HERC4: variants seen among roughly 807,000 people sequenced by gnomAD.
HERC4 encodes probable E3 ubiquitin-protein ligase HERC4.
A neutral mutation model predicts 124.3 loss-of-function variants in HERC4; 28 were observed. The ratio of observed to expected loss-of-function variants is 0.23; its 90% CI spans 0.17 to 0.31. HERC4 has a LOEUF of 0.31. Among genes scored for constraint, HERC4 ranks in the 10% least tolerant of loss-of-function variants. The pLI, the probability that HERC4 is intolerant of heterozygous loss-of-function variation, is 1.00. For synonymous variants in HERC4, 407 were observed against 421.5 expected, an observed-to-expected ratio of 0.97 and a Z score of 0.42; for missense variants, 713 against 1,229.3, an observed-to-expected ratio of 0.58 and a Z score of 6.28.
At chr10:68,059,826 A>AATATTATATAATATTATATATC (rs2040873163) in intron 3 of HERC4, among the ~76,000 whole-genome samples, 2 of 62,788 alleles carry the variant, frequency 3.2e-5, no homozygotes, top group Non-Finnish European at 4.4e-5. Flanking sequence ...TATATATCAT[A>AATATTATATAATATTATATATC]ATATTATATA....
chr10:67,990,322 G>C lies in HERC4; in HGVS notation c.1522C>G (p.Leu508Val), dbSNP rs775826526. 1 of 1,612,632 alleles carries C rather than the reference G, an allele frequency of 6.2e-7. No homozygotes were observed. The highest frequency in any genetic ancestry group is 1.7e-5 in the Admixed American group (1 of 59,960). ...LPDVEALRFY[L>V]TLPECPLMSD... ...ATCAGGGGACATTCTGGTAGAGTAA[G>C]ATAAAACCTCAATGCTTCAACATCA... Residue 508 changes from leucine (L) to valine (V), a missense_variant, in exon 14 of 25, where the codon CTT (leucine) becomes GTT (valine). By Grantham distance (32) the Leu-to-Val change is conservative (BLOSUM62 1). Transcript: ENST00000373700.
Position 68,016,254 on chromosome 10 carries a change from C to T in HERC4, c.909-2068G>A, listed in dbSNP as rs1051219856. ...GAATGTAAACCTTTTTCTTTTGGATCGTCTATTGATGAACTGACATTTTGG... is the reference window on the plus strand; with the variant it reads ...GAATGTAAACCTTTTTCTTTTGGATTGTCTATTGATGAACTGACATTTTGG... On this transcript the variant is annotated intron_variant, in intron 8 of 24. Transcript: ENST00000373700. Among the ~76,000 whole-genome samples the T allele has an allele frequency of 3.9e-5, 6 of 152,108 alleles. No homozygotes were observed. The East Asian group carries it at 7.7e-4, about 20-fold the overall frequency.
At chr10:67,937,884 G>T (rs1014213215) in intron 21 of HERC4, among the ~76,000 whole-genome samples, 1 of 151,738 alleles carries the variant, frequency 6.6e-6, no homozygotes, top group Non-Finnish European at 1.5e-5. Flanking sequence ...GTTTCACCAT[G>T]TTGGCCAGGC....
chr10:68,023,751 T>C (rs952817639), intron 8 of HERC4, among the ~76,000 whole-genome samples: 3 of 152,112 alleles, frequency 2.0e-5, no homozygotes, highest in African/African-American at 7.2e-5. Flanking sequence ...GCTAGGGTAA[T>C]TGACTATTTA....
At chr10:68,050,648 T>G (rs934510722) in intron 3 of HERC4, among the ~76,000 whole-genome samples, 1 of 152,196 alleles carries the variant, frequency 6.6e-6, no homozygotes, top group African/African-American at 2.4e-5. Flanking sequence ...ACAAAACTGA[T>G]AACTTCACTA....
Position 67,936,209 on chromosome 10 carries a change from T to C in HERC4, c.2598A>G (p.Thr866=), listed in dbSNP as rs2032344308. The change falls in exon 22 of 25, where the codon ACA becomes ACG. Residue 866 remains threonine, a synonymous_variant. Coordinates refer to ENST00000373700, the MANE Select transcript of HERC4 (RefSeq NM_015601.4). ...FTITVENFGA[T]EVKELVLNGA... is the part of the protein sequence containing the mutation. ...CATTTAGAACCAGCTCTTTCACTTC[T>C]GTTGCACCAAAGTTTTCAACTGTGA... is the stretch of plus-strand genomic sequence containing the variant. The C allele has an allele frequency of 1.9e-6, 3 of 1,601,600 alleles. No homozygotes were observed. In the East Asian group the frequency reaches 6.8e-5, roughly 36 times the overall value.
chr10:67,967,075 C>T (rs1282550232), intron 15 of HERC4, among the ~76,000 whole-genome samples: 3 of 152,194 alleles, frequency 2.0e-5, no homozygotes, highest in Non-Finnish European at 4.4e-5. Context: ...AGGATGGTCT[C>T]GATCTCCTGA....
intron 21 of HERC4, among the ~76,000 whole-genome samples, chr10:67,938,729 A>T (rs1206432614): frequency 6.6e-6 from 1 of 152,062 alleles, no homozygotes; most frequent in Non-Finnish European, 1.5e-5. Context: ...GTGGATCATG[A>T]GGTCAGGAGT....
chr10:67,954,736 A>C lies in HERC4; in HGVS notation c.2196T>G (p.Val732=), dbSNP rs771867953. Residue 732 remains valine, a splice_region_variant and synonymous_variant, in exon 19 of 25, where the codon GTT becomes GTG. Transcript: ENST00000373700. ...KNIDYKKPLK[V]IFVGEDAVDA... ...CCACAGCATCTTCTCCAACAAATAT[A>C]ACCTAAAATAGCACAATGCAAACAC... The C allele has an allele frequency of 8.9e-5, 144 of 1,612,666 alleles. 1 individual carries two copies. Among genetic ancestry groups the C allele is most frequent in the Non-Finnish European group, 1.2e-4 (141 of 1,179,502 alleles).
Position 68,075,190 on chromosome 10 carries a change from A to T in HERC4, c.-155T>A, listed in dbSNP as rs1260741915. The T allele has an allele frequency of 6.5e-6, 1 of 152,912 alleles. No individual in the cohort carries two copies. The highest frequency in any genetic ancestry group is 1.5e-5 in the Non-Finnish European group (1 of 68,326). 9.5% of individuals were successfully genotyped at this position (152,912 alleles called of 1,614,324 possible). A position where few individuals can be genotyped will look rare whatever the true frequency, so the allele number is the denominator to read the frequency against. ...GACGCCACTGCTGTCCAGTCCAGAG[A>T]CAGCCGTCAGCGACCCGGATGGAGC... On this transcript the variant is annotated 5_prime_UTR_variant, in exon 1 of 25. Coordinates refer to ENST00000373700, the MANE Select transcript of HERC4 (RefSeq NM_015601.4).
intron 9 of HERC4, among the ~76,000 whole-genome samples, chr10:68,006,237 C>T (rs532799979): frequency 1.3e-5 from 2 of 152,264 alleles, no homozygotes; most frequent in East Asian, 1.9e-4. Flanking sequence ...TTACTATTAT[C>T]GTGAGTTTTG....
intron 14 of HERC4, 126 bp from the exon 15 acceptor site, chr10:67,988,961 A>G (rs2036412118): frequency 1.5e-6 from 1 of 674,698 alleles, no homozygotes; most frequent in Non-Finnish European, 2.6e-6. Context: ...AAAGATGCAT[A>G]TAACACAATA....
chr10:67,999,716 A>C (rs2037113002), intron 9 of HERC4, among the ~76,000 whole-genome samples: 1 of 152,202 alleles, frequency 6.6e-6, no homozygotes, highest in African/African-American at 2.4e-5. Context: ...TTATGGTTAC[A>C]TGTTTGAGTA....
intron 4 of HERC4, chr10:68,040,259 T>C: frequency 1.0e-6 from 1 of 982,322 alleles, no homozygotes; most frequent in Non-Finnish European, 1.2e-6. Context: ...TGCTAATATC[T>C]TTTACCATTA....
chr10:67,988,685 T>C lies in HERC4; in HGVS notation c.1784A>G (p.Lys595Arg). Residue 595 changes from lysine to arginine, a missense_variant, in exon 15 of 25, where the codon AAG (lysine) becomes AGG (arginine). Transcript: ENST00000373700. The stretch of plus-strand genomic sequence containing the variant: ...TACCCTATGTAGTATTTCTAAAACC[T>C]TTAATGCAGTATGAAGAAAACTGTT... ...IFNSFLHTAL[K>R]VLEILHRVNE... The C allele has an allele frequency of 6.3e-7, 1 of 1,586,194 alleles. No individual in the cohort carries two copies. The highest frequency in any genetic ancestry group is 8.6e-7 in the Non-Finnish European group (1 of 1,167,964).
chr10:67,927,421 TATATATA>T (rs1564911256), intron 23 of HERC4, among the ~76,000 whole-genome samples: 193 of 11,666 alleles, frequency 0.017, 5 homozygotes, highest in South Asian at 0.022. Flanking sequence ...TATATATATA[TATATATA>T]TATTTTTTTT....
At chr10:67,938,002 T>C (rs747050232) in intron 21 of HERC4, among the ~76,000 whole-genome samples, 8 of 152,014 alleles carry the variant, frequency 5.3e-5, no homozygotes, top group Non-Finnish European at 8.8e-5. Context: ...CTTAAAATTT[T>C]CTTGAAAAAA....
chr10:67,923,264 T>A (rs1589095795), intron 24 of HERC4, 125 bp from the exon 25 acceptor site: 1 of 650,028 alleles, frequency 1.5e-6, no homozygotes, highest in East Asian at 2.6e-5. Context: ...TTATCTTACT[T>A]CCTAATTTGT....
chr10:68,008,533 G>A (rs895897139), intron 9 of HERC4, among the ~76,000 whole-genome samples: 45 of 152,254 alleles, frequency 3.0e-4, no homozygotes, highest in Admixed American at 8.5e-4. Flanking sequence ...GCTGCTGACC[G>A]GTTGGGGATG....
Sources: allele counts gnomAD v4.1 joint callset (sites outside exome capture counted in the v4.1 genomes callset), GRCh38; gene constraint gnomAD v4.1.1; transcripts MANE v1.5; gene names NCBI Gene and HGNC (gene_info 2026-07-23, HGNC 2026-07-21).